The following KIAA0930 variants were observed in gnomAD, a reference collection of about 807,000 sequenced individuals.
KIAA0930 encodes KIAA0930.
A neutral mutation model predicts 43.9 loss-of-function variants in KIAA0930; 24 were observed. The observed-to-expected ratio is 0.55, with a 90% CI of 0.40 to 0.77. KIAA0930 has a LOEUF of 0.77. Among genes scored for constraint, KIAA0930 ranks in the 30% least tolerant of loss-of-function variants. The pLI is 0.00. For synonymous variants in KIAA0930, 259 were observed against 216.4 expected, an observed-to-expected ratio of 1.20 and a Z score of -1.73; for missense variants, 461 against 574.2, an observed-to-expected ratio of 0.80 and a Z score of 2.02.
intron 1 of KIAA0930, among the ~76,000 whole-genome samples, chr22:45,215,678 A>G (rs1469668146): frequency 6.6e-6 from 1 of 152,258 alleles, no homozygotes; most frequent in Non-Finnish European, 1.5e-5. Flanking sequence ...TACGATGTTT[A>G]GTGGAAAAGC....
rs781395719 is a variant in KIAA0930, at chr22:45,199,971, G to C, written c.917C>G (p.Ser306Cys). ...RNNRPAFFSP[S>C]LKRKVPRNRI... ...GTTCCGGGGCACCTTCCTCTTGAGG[G>C]ATGGGGAGAAGAAGGCAGGCCGGTT... is the stretch of plus-strand genomic sequence containing the variant. The change falls in exon 8 of 10, where the codon TCC (serine) becomes TGC (cysteine). Residue 306 changes from serine (S) to cysteine (C), a missense_variant. Physicochemically the swap from Ser to Cys is moderately radical, Grantham distance 112. Transcript: ENST00000336156. The C allele has an allele frequency of 5.6e-6, 9 of 1,609,588 alleles. No individual in the cohort carries two copies. The highest frequency in any genetic ancestry group is 2.3e-5 in the East Asian group (1 of 44,306).
chr22:45,213,078 T>C (rs531407910), intron 1 of KIAA0930, among the ~76,000 whole-genome samples: 1 of 152,288 alleles, frequency 6.6e-6, no homozygotes, highest in African/African-American at 2.4e-5. Flanking sequence ...TCCCGACACT[T>C]AGAGATGGGG....
chr22:45,231,605 GGTT>G (rs2083854023), intron 1 of KIAA0930, among the ~76,000 whole-genome samples: 1 of 151,996 alleles, frequency 6.6e-6, no homozygotes, highest in Admixed American at 6.6e-5. Context: ...GCATTTCCAG[GGTT>G]CAATATATAT....
Position 45,197,212 on chromosome 22 carries a change from G to A in KIAA0930, c.1179C>T (p.Ile393=), listed in dbSNP as rs745718121. 4 of 1,550,500 alleles carry A rather than the reference G, an allele frequency of 2.6e-6. No individual in the cohort carries two copies. The highest frequency in any genetic ancestry group is 3.5e-6 in the Non-Finnish European group (4 of 1,146,482). ...TLPLHRILTD[I]LEVRQKPILM... ...GGATGGGCTTCTGCCGAACTTCCAG[G>A]ATGTCTAGGGCCGGCAGGAGGGAAG... is the stretch of plus-strand genomic sequence containing the variant. Residue 393 remains isoleucine, a synonymous_variant, in exon 10 of 10, where the codon ATC becomes ATT. Coordinates refer to ENST00000336156, the MANE Select transcript of KIAA0930 (RefSeq NM_001009880.2).
At chr22:45,200,901 T>C (rs1424028746) in intron 7 of KIAA0930, 29 of 474,422 alleles carry the variant, frequency 6.1e-5, no homozygotes, top group South Asian at 4.3e-4. Flanking sequence ...AGGGAAGGCT[T>C]CCTGGAGGAG....
chr22:45,206,449 T>C, intron 2 of KIAA0930, among the ~76,000 whole-genome samples: 1 of 152,222 alleles, frequency 6.6e-6, no homozygotes, highest in East Asian at 1.9e-4. Context: ...AAAGTTGTCA[T>C]AATGATTTAA....
At chr22:45,230,281 G>C (rs1031856847) in intron 1 of KIAA0930, among the ~76,000 whole-genome samples, 1 of 152,146 alleles carries the variant, frequency 6.6e-6, no homozygotes, top group African/African-American at 2.4e-5. Flanking sequence ...GGAGGCACCC[G>C]AGACACATAC....
In KIAA0930 at chr22:45,203,935, C is replaced by T; in HGVS notation, c.567G>A (p.Leu189=). 1 of 1,613,534 alleles carries T rather than the reference C, an allele frequency of 6.2e-7. No homozygotes were observed. Among genetic ancestry groups the T allele is most frequent in the Non-Finnish European group, 8.5e-7 (1 of 1,179,804 alleles). The change falls in exon 6 of 10, where the codon CTG becomes CTA. Residue 189 remains leucine, a synonymous_variant. Transcript: ENST00000336156. ...ACGTGTTGGTTTTGTCACTAGCCAC[C>T]AGCTCCACACAGACCATCTCTCCTT... ...VGEGEMVCVE[L]VASDKTNTFQ...
chr22:45,203,657 C>A (rs2072723), intron 6 of KIAA0930, among the ~76,000 whole-genome samples, 188 bp downstream of exon 6: 48,813 of 152,060 alleles, frequency 0.32, 8,019 homozygotes, highest in South Asian at 0.56. Flanking sequence ...GGGCTGAGGC[C>A]GACCATGAAG....
chr22:45,203,286 C>T (rs375829624), intron 6 of KIAA0930, 102 bp from the exon 7 acceptor site: 77 of 1,222,440 alleles, frequency 6.3e-5, no homozygotes, highest in African/African-American at 2.8e-4. Flanking sequence ...CCTCAAGGAG[C>T]GGGGGCTGCC....
chr22:45,212,764 C>A (rs149365728), intron 1 of KIAA0930, among the ~76,000 whole-genome samples: 1 of 152,328 alleles, frequency 6.6e-6, no homozygotes, highest in East Asian at 1.9e-4. Flanking sequence ...AGAGAAAAAG[C>A]CCACAGGCTT....
rs1555900940 is a variant in KIAA0930 at position 45,228,998 on chromosome 22, A to AC, written c.64+11641dup. On this transcript the variant is annotated intron_variant, in intron 1 of 9. Transcript: ENST00000336156. ...CCACTCACCCAAAAGATCCCTCTCC[A>AC]CCCCCACACCACCAAACACTCACCC... is the stretch of plus-strand genomic sequence containing the variant. Among the ~76,000 whole-genome samples, 29 of 10,756 alleles carry AC rather than the reference A, an allele frequency of 2.7e-3. 2 individuals are homozygous for AC. Among genetic ancestry groups the AC allele is most frequent in the East Asian group, 5.2e-3 (1 of 194 alleles). 7.1% of individuals were successfully genotyped at this position (10,756 alleles called of 152,430 possible). A position where few individuals can be genotyped will look rare whatever the true frequency, so the allele number is the denominator to read the frequency against.
chr22:45,227,922 C>A (rs2083812795), intron 1 of KIAA0930, among the ~76,000 whole-genome samples: 1 of 152,180 alleles, frequency 6.6e-6, no homozygotes, highest in African/African-American at 2.4e-5. Context: ...TGTGCGGGGG[C>A]AGCTCCCTCC....
chr22:45,200,323 A>T (rs1050945600), intron 7 of KIAA0930: 32 of 375,604 alleles, frequency 8.5e-5, no homozygotes, highest in African/African-American at 5.9e-4. Context: ...GGCCTCAAAC[A>T]GTGGGTAGGG....
rs1177991393 is a variant in KIAA0930, at chr22:45,205,684, C to T, written c.360G>A (p.Ala120=). The change falls in exon 4 of 10, where the codon GCG becomes GCA. Residue 120 remains alanine (A), a synonymous_variant. Transcript: ENST00000336156. ...CCCCGCCGTCAGCACGTGTGCACAC[C>T]GCACAGGTCACCATGTAGTCCAGCT... ...LQKLDYMVTC[A]VCTRADGGDI... 7 of 1,613,974 alleles carry T rather than the reference C, an allele frequency of 4.3e-6. No homozygotes were observed. Among genetic ancestry groups the T allele is most frequent in the East Asian group, 2.2e-5 (1 of 44,896 alleles).
chr22:45,240,089 G>A (rs1156455628), intron 1 of KIAA0930, among the ~76,000 whole-genome samples: 1 of 152,064 alleles, frequency 6.6e-6, no homozygotes, highest in Non-Finnish European at 1.5e-5. Context: ...GGTTCGGGGG[G>A]CCATTGCCCA....
chr22:45,203,870 G>C lies in KIAA0930; in HGVS notation c.632C>G (p.Ala211Gly), dbSNP rs749169694. 1 of 1,614,080 alleles carries C rather than the reference G, an allele frequency of 6.2e-7. No homozygotes were observed. The highest frequency in any genetic ancestry group is 8.5e-7 in the Non-Finnish European group (1 of 1,179,966). Residue 211 changes from alanine (A) to glycine (G), a missense_variant, in exon 6 of 10, where the codon GCG (alanine) becomes GGG (glycine). Coordinates refer to ENST00000336156, the MANE Select transcript of KIAA0930 (RefSeq NM_001009880.2). Reference sequence around the variant, plus strand: ...CCGGTTGTCATACACCTTCTTGAGCGCCTCGTAGCGGATGGAGCCCTGAAA... The same window carrying C: ...CCGGTTGTCATACACCTTCTTGAGCCCCTCGTAGCGGATGGAGCCCTGAAA... ...VIFQGSIRYE[A>G]LKKVYDNRVS...
At chr22:45,236,626 T>C (rs1017786149) in intron 1 of KIAA0930, among the ~76,000 whole-genome samples, 1 of 151,954 alleles carries the variant, frequency 6.6e-6, no homozygotes, top group African/African-American at 2.4e-5. Flanking sequence ...TGAGGACGGG[T>C]CTAGGTGGGC....
chr22:45,227,085 C>T (rs2083806444), intron 1 of KIAA0930, among the ~76,000 whole-genome samples: 1 of 152,248 alleles, frequency 6.6e-6, no homozygotes, highest in Non-Finnish European at 1.5e-5. Flanking sequence ...GCCAGGCACA[C>T]AGCTGGACCC....
Sources: allele counts gnomAD v4.1 joint callset (sites outside exome capture counted in the v4.1 genomes callset), GRCh38; gene constraint gnomAD v4.1.1; transcripts MANE v1.5; gene names NCBI Gene and HGNC (gene_info 2026-07-23, HGNC 2026-07-21).